The following LRMDA variants were observed in gnomAD, a reference collection of about 807,000 sequenced individuals.
LRMDA encodes leucine-rich melanocyte differentiation-associated protein.
A neutral mutation model predicts 29.8 loss-of-function variants in LRMDA; 18 were observed. The ratio of observed to expected loss-of-function variants is 0.60; its 90% CI spans 0.42 to 0.90. LRMDA has a LOEUF of 0.90. Ranked by LOEUF, LRMDA falls within the 40% of genes least tolerant of loss-of-function variation. LRMDA has a pLI of 0.00. For missense variants in LRMDA, 273 were observed against 273.9 expected, an observed-to-expected ratio of 1.00 and a Z score of 0.02; for synonymous variants, 125 against 109.4, an observed-to-expected ratio of 1.14 and a Z score of -0.89.
At chr10:76,421,239 C>G (rs1190142165) in intron 6 of LRMDA, among the ~76,000 whole-genome samples, 1 of 152,150 alleles carries the variant, frequency 6.6e-6, no homozygotes, top group African/African-American at 2.4e-5. Context: ...TCTTCCTGAA[C>G]AACCACCTCT....
chr10:75,483,190 A>T (rs7086719), intron 2 of LRMDA, among the ~76,000 whole-genome samples: 1 of 152,010 alleles, frequency 6.6e-6, no homozygotes, highest in African/African-American at 2.4e-5. Context: ...CAGGCAATCC[A>T]CCCGCCTCAG....
Position 76,005,628 on chromosome 10 carries a change from C to T in LRMDA, c.132-30380C>T, listed in dbSNP as rs1164246475. ...ATCTCTAAAAATAAATAAGTAAATA[C>T]CTAAAAAAAATAAATAAATGGGCCA... On this transcript the variant is annotated intron_variant, in intron 2 of 6. Transcript: ENST00000611255. 4.6e-5 allele frequency among the ~76,000 whole-genome samples: 7 copies of T among 150,600 alleles called. 1 individual carries two copies. Among genetic ancestry groups the T allele is most frequent in the South Asian group, 4.3e-4 (2 of 4,698 alleles).
chr10:75,712,161 C>T (rs2132178534), intron 2 of LRMDA, among the ~76,000 whole-genome samples: 1 of 152,162 alleles, frequency 6.6e-6, no homozygotes, highest in East Asian at 1.9e-4. Context: ...TGGATTGAGC[C>T]TCCACCTGAC....
At chr10:76,251,607 T>C (rs1852485926) in intron 5 of LRMDA, among the ~76,000 whole-genome samples, 1 of 152,206 alleles carries the variant, frequency 6.6e-6, no homozygotes, top group South Asian at 2.1e-4. Flanking sequence ...AAGCTGACAG[T>C]GCTATCATAG....
chr10:76,011,390 G>A (rs1474017551), intron 2 of LRMDA, among the ~76,000 whole-genome samples: 1 of 152,214 alleles, frequency 6.6e-6, no homozygotes, highest in African/African-American at 2.4e-5. Context: ...ATGCCAGGAT[G>A]AGGGGTGTGG....
At chr10:76,464,542 TGTCTTTACAAAGG>T in intron 6 of LRMDA, among the ~76,000 whole-genome samples, 1 of 152,330 alleles carries the variant, frequency 6.6e-6, no homozygotes, top group Non-Finnish European at 1.5e-5. Flanking sequence ...ACAATTCATG[TGTCTTTACAAAGG>T]GTTATCTTTC....
At chr10:76,254,405 T>TATGCTATGCC (rs1852550776) in intron 5 of LRMDA, among the ~76,000 whole-genome samples, 1 of 152,008 alleles carries the variant, frequency 6.6e-6, no homozygotes, top group African/African-American at 2.4e-5. Flanking sequence ...TATGCTATGC[T>TATGCTATGCC]ATGCTATGCT....
chr10:76,014,126 T>TATGGTAATATATA (rs1413994087), intron 2 of LRMDA, among the ~76,000 whole-genome samples: 2 of 67,286 alleles, frequency 3.0e-5, no homozygotes, highest in African/African-American at 9.5e-5. Flanking sequence ...ATATATATAA[T>TATGGTAATATATA]TATATATATA....
At position 76,429,108 on chromosome 10, in the gene LRMDA, T is replaced by C. The variant is rs1042424889; in HGVS notation, c.601+104623T>C. Among the ~76,000 whole-genome samples, 3 of 151,690 alleles carry C rather than the reference T, an allele frequency of 2.0e-5. No homozygotes were observed. The South Asian group carries it at 6.3e-4, about 32-fold the overall frequency. ...CTTTTTCAAGATAGGAGGAATCCCT[T>C]AACTAGTTATTTCATCATGCATGAA... On this transcript the variant is annotated intron_variant, in intron 6 of 6. Coordinates refer to ENST00000611255, the MANE Select transcript of LRMDA (RefSeq NM_001305581.2).
intron 2 of LRMDA, among the ~76,000 whole-genome samples, chr10:75,463,729 G>A (rs577305205): frequency 6.6e-6 from 1 of 152,088 alleles, no homozygotes; most frequent in Non-Finnish European, 1.5e-5. Flanking sequence ...GTGCAATGGC[G>A]CGATCTTGGC....
intron 6 of LRMDA, among the ~76,000 whole-genome samples, chr10:76,493,880 A>C (rs1017678875): frequency 6.6e-6 from 1 of 152,056 alleles, no homozygotes; most frequent in Non-Finnish European, 1.5e-5. Context: ...TCTTGTTTTT[A>C]GATTTATTTC....
intron 2 of LRMDA, among the ~76,000 whole-genome samples, chr10:75,860,513 G>A (rs894475691): frequency 2.0e-5 from 3 of 151,802 alleles, no homozygotes; most frequent in African/African-American, 7.3e-5. Flanking sequence ...GTAGAGACAG[G>A]GTTTCACCAT....
At chr10:75,911,424 G>A (rs1845841558) in intron 2 of LRMDA, among the ~76,000 whole-genome samples, 1 of 152,092 alleles carries the variant, frequency 6.6e-6, no homozygotes, top group African/African-American at 2.4e-5. Flanking sequence ...GGAGCTAGGG[G>A]CTCCAGAAAG....
chr10:76,441,005 A>C (rs1300555588), intron 6 of LRMDA, among the ~76,000 whole-genome samples: 1 of 152,178 alleles, frequency 6.6e-6, no homozygotes, highest in Non-Finnish European at 1.5e-5. Context: ...GGCTCATAAT[A>C]AACCAACCTA....
chr10:75,501,573 T>C (rs1213613078), intron 2 of LRMDA, among the ~76,000 whole-genome samples: 1 of 152,182 alleles, frequency 6.6e-6, no homozygotes, highest in Non-Finnish European at 1.5e-5. Flanking sequence ...TTGAGGGCTT[T>C]CTATGGTGAA....
chr10:76,158,587 CA>C (rs1472578248), intron 5 of LRMDA, among the ~76,000 whole-genome samples: 1 of 152,088 alleles, frequency 6.6e-6, no homozygotes, highest in African/African-American at 2.4e-5. Context: ...ATGTTAAAAT[CA>C]GTAACATATC....
At chr10:76,301,211 C>A (rs1336112020) in intron 5 of LRMDA, among the ~76,000 whole-genome samples, 1 of 152,178 alleles carries the variant, frequency 6.6e-6, no homozygotes, top group African/African-American at 2.4e-5. Context: ...TTACCATTAT[C>A]CTTGTCAGTG....
intron 2 of LRMDA, among the ~76,000 whole-genome samples, chr10:75,781,814 G>C (rs1372505845): frequency 6.6e-6 from 1 of 152,210 alleles, no homozygotes; most frequent in East Asian, 1.9e-4. Context: ...CCATTTTGCA[G>C]ATGAGATCAC....
intron 1 of LRMDA, among the ~76,000 whole-genome samples, chr10:75,434,434 G>C (rs1012616087): frequency 6.6e-6 from 1 of 152,150 alleles, no homozygotes; most frequent in Non-Finnish European, 1.5e-5. Context: ...TAACACCTTT[G>C]GAGGAGTTAG....
Sources: gnomAD v4.1 joint callset for allele counts (sites outside exome capture counted in the v4.1 genomes callset) on GRCh38, gnomAD v4.1.1 for gene constraint, MANE v1.5 for transcripts, NCBI Gene and HGNC (gene_info 2026-07-23, HGNC 2026-07-21) for gene names.